EYS: variants seen among roughly 807,000 people sequenced by gnomAD.
EYS encodes EGF-like photoreceptor maintenance factor, also known as protein eyes shut homolog.
In EYS, 250 loss-of-function variants were observed where a neutral mutation model predicts 282.1. The observed-to-expected ratio is 0.89, with a 90% CI of 0.80 to 0.98. EYS has a LOEUF of 0.98. Among genes scored for constraint, EYS ranks in the 50% least tolerant of loss-of-function variants. The probability of loss-of-function intolerance (pLI) is 0.00; values close to 1 mark genes in which losing one functional copy is unlikely to be tolerated. For missense variants in EYS, 4,016 were observed against 3,709.0 expected, an observed-to-expected ratio of 1.08 and a Z score of -2.15; for synonymous variants, 1,355 against 1,282.9, an observed-to-expected ratio of 1.06 and a Z score of -1.20.
intron 11 of EYS, among the ~76,000 whole-genome samples, chr6:65,298,087 A>C (rs1290766603): frequency 6.6e-6 from 1 of 152,104 alleles, no homozygotes; most frequent in Non-Finnish European, 1.5e-5. Context: ...TGAACAGGAT[A>C]TCCTGTACAA....
chr6:65,151,215 C>T (rs1275246043), intron 12 of EYS, among the ~76,000 whole-genome samples: 10 of 151,916 alleles, frequency 6.6e-5, no homozygotes, highest in African/African-American at 2.2e-4. Context: ...CTGAAAAATG[C>T]TCCAAGCATC....
At chr6:64,740,715 C>CTT (rs5876919) in intron 22 of EYS, among the ~76,000 whole-genome samples, 4 of 127,876 alleles carry the variant, frequency 3.1e-5, no homozygotes, top group Admixed American at 7.9e-5. Context: ...AATATGTCCA[C>CTT]TTTTTTTTTT....
At chr6:65,658,677 T>C (rs1184699538) in intron 1 of EYS, among the ~76,000 whole-genome samples, 1 of 151,624 alleles carries the variant, frequency 6.6e-6, no homozygotes, top group Non-Finnish European at 1.5e-5. Flanking sequence ...CAGAAGTAAA[T>C]GAGGAAAGTT....
intron 12 of EYS, among the ~76,000 whole-genome samples, chr6:65,068,252 G>A (rs953645378): frequency 1.3e-5 from 2 of 152,018 alleles, no homozygotes; most frequent in Non-Finnish European, 2.9e-5. Context: ...CAACGGAGTC[G>A]AATGTTAAGG....
At chr6:64,910,502 T>C (rs1460316591) in intron 16 of EYS, among the ~76,000 whole-genome samples, 1 of 152,090 alleles carries the variant, frequency 6.6e-6, no homozygotes, top group East Asian at 1.9e-4. Context: ...AGTTAAAAAA[T>C]GATGTGCATT....
At chr6:65,306,140 T>C (rs1397362891) in intron 11 of EYS, among the ~76,000 whole-genome samples, 1 of 152,204 alleles carries the variant, frequency 6.6e-6, no homozygotes, top group African/African-American at 2.4e-5. Flanking sequence ...AGGAAGGACT[T>C]ACCCATTTTG....
At chr6:65,599,189 G>A (rs1021738164) in intron 2 of EYS, among the ~76,000 whole-genome samples, 2 of 151,994 alleles carry the variant, frequency 1.3e-5, no homozygotes, top group Non-Finnish European at 1.5e-5. Flanking sequence ...GAATGTGAAT[G>A]AGGAACCCAC....
chr6:64,651,993 T>C (rs1768577866), intron 22 of EYS, among the ~76,000 whole-genome samples: 1 of 152,186 alleles, frequency 6.6e-6, no homozygotes, highest in Admixed American at 6.5e-5. Context: ...CCAAGTGTAC[T>C]GGTGGAAGTG....
intron 2 of EYS, among the ~76,000 whole-genome samples, chr6:65,555,360 G>C (rs1447374109): frequency 1.3e-5 from 2 of 151,902 alleles, no homozygotes; most frequent in Non-Finnish European, 2.9e-5. Flanking sequence ...TTACCACCTA[G>C]AGTTTTATTT....
At chr6:64,377,451 G>C (rs1772596719) in intron 29 of EYS, among the ~76,000 whole-genome samples, 2 of 152,238 alleles carry the variant, frequency 1.3e-5, no homozygotes, top group South Asian at 2.1e-4. Context: ...GTGTGGGTTT[G>C]AATTTTGGCC....
chr6:65,357,369 C>A (rs1381292370), intron 8 of EYS, among the ~76,000 whole-genome samples: 1 of 151,846 alleles, frequency 6.6e-6, no homozygotes, highest in Non-Finnish European at 1.5e-5. Context: ...TTAATTTGTT[C>A]TTGTCCATCG....
rs1768344840 is a variant in EYS at position 63,720,737 on chromosome 6, G to T, written c.9294C>A (p.Ile3098=). Residue 3098 remains isoleucine (I), a synonymous_variant, in exon 43 of 43, where the codon ATC becomes ATA. Transcript: ENST00000503581. ...TGGTTTTAAAAATCTCTTGAGTAAC[G>T]ATATTTACCTTTCTACCATATTCAA... ...GGFEYGRKVN[I]VTQEIFKTNF... The T allele has an allele frequency of 1.9e-6, 3 of 1,548,762 alleles. No homozygotes were observed. The highest frequency in any genetic ancestry group is 2.6e-6 in the Non-Finnish European group (3 of 1,145,870).
Position 64,766,708 on chromosome 6 carries a change from G to A in EYS, c.3443+46670C>T, listed in dbSNP as rs1250849463. The stretch of plus-strand genomic sequence containing the variant: ...TAAAATCTAACAAATTGTTCACTGT[G>A]CCCTTCCACTGAGAAACAAATACGA... On this transcript the variant is annotated intron_variant, in intron 22 of 42. Transcript: ENST00000503581. Among the ~76,000 whole-genome samples the A allele has an allele frequency of 6.2e-5, 7 of 113,282 alleles. No individual in the cohort carries two copies. The South Asian group carries it at 9.4e-4, about 15-fold the overall frequency. The allele number at this position is 113,282 out of a possible 152,430, so 74.3% of individuals were successfully genotyped here.
chr6:65,426,467 T>C (rs1397226376), intron 5 of EYS, among the ~76,000 whole-genome samples: 2 of 152,094 alleles, frequency 1.3e-5, no homozygotes, highest in Non-Finnish European at 2.9e-5. Flanking sequence ...ATGAATGAGA[T>C]TGTCCCACTT....
At chr6:64,780,828 AT>A (rs929254299) in intron 22 of EYS, among the ~76,000 whole-genome samples, 21 of 152,154 alleles carry the variant, frequency 1.4e-4, no homozygotes, top group Admixed American at 5.9e-4. Flanking sequence ...GGAATTCACC[AT>A]TTTTTATTTC....
chr6:63,829,030 C>T (rs1387183979), intron 36 of EYS, among the ~76,000 whole-genome samples: 1 of 152,206 alleles, frequency 6.6e-6, no homozygotes, highest in Non-Finnish European at 1.5e-5. Context: ...CTTGCACATG[C>T]ATGTTTATAG....
At chr6:65,381,575 G>C (rs983927081) in intron 8 of EYS, among the ~76,000 whole-genome samples, 1 of 151,876 alleles carries the variant, frequency 6.6e-6, no homozygotes, top group Admixed American at 6.6e-5. Context: ...CATAGTACAT[G>C]TATACCAATG....
chr6:64,994,798 G>A (rs887475412), intron 14 of EYS, among the ~76,000 whole-genome samples: 1 of 151,798 alleles, frequency 6.6e-6, no homozygotes, highest in Non-Finnish European at 1.5e-5. Context: ...TATTATTATA[G>A]AATGCATTGT....
chr6:64,239,312 C>A (rs887981341), intron 30 of EYS, among the ~76,000 whole-genome samples: 2 of 152,122 alleles, frequency 1.3e-5, no homozygotes, highest in Non-Finnish European at 2.9e-5. Context: ...AGTTTTAGAT[C>A]ATTGAGGAAT....
Sources: allele counts gnomAD v4.1 joint callset (sites outside exome capture counted in the v4.1 genomes callset), GRCh38; gene constraint gnomAD v4.1.1; transcripts MANE v1.5; gene names NCBI Gene and HGNC (gene_info 2026-07-23, HGNC 2026-07-21).